The following SLMAP variants were observed in gnomAD, a reference collection of about 807,000 sequenced individuals.
The protein encoded by SLMAP is sarcolemmal membrane-associated protein.
A neutral mutation model predicts 128.8 loss-of-function variants in SLMAP; 44 were observed. The ratio of observed to expected loss-of-function variants is 0.34; its 90% CI spans 0.27 to 0.44. SLMAP has a LOEUF of 0.44. SLMAP is among the 20% of genes least tolerant of loss of function. The pLI is 1.00. For missense variants in SLMAP, 787 were observed against 985.3 expected, an observed-to-expected ratio of 0.80 and a Z score of 2.69; for synonymous variants, 327 against 348.8, an observed-to-expected ratio of 0.94 and a Z score of 0.70.
intron 17 of SLMAP, chr3:57,901,413 A>T (rs1024154615): frequency 6.6e-6 from 1 of 152,246 alleles, no homozygotes; most frequent in African/African-American, 2.4e-5. Flanking sequence ...GTTTCAGAGG[A>T]TAGAGAAGAA....
intron 10 of SLMAP, among the ~76,000 whole-genome samples, 163 bp downstream of exon 10, chr3:57,862,249 C>A (rs890015591): frequency 6.6e-6 from 1 of 151,652 alleles, no homozygotes; most frequent in African/African-American, 2.4e-5. Flanking sequence ...ACCCAGGAGA[C>A]GGAGGTTGCA....
intron 17 of SLMAP, chr3:57,900,126 T>C (rs2096340553): frequency 1.3e-5 from 2 of 152,198 alleles, no homozygotes; most frequent in Admixed American, 1.3e-4. Flanking sequence ...ATAAGTAGCC[T>C]CTTTATTTTC....
Position 57,890,111 on chromosome 3 carries a change from T to G in SLMAP, c.1360+11T>G. 2 of 1,612,784 alleles carry G rather than the reference T, an allele frequency of 1.2e-6. No individual in the cohort carries two copies. The highest frequency in any genetic ancestry group is 1.7e-6 in the Non-Finnish European group (2 of 1,178,806). On this transcript the variant is annotated intron_variant, in intron 15 of 24. Transcript: ENST00000671191. ...CAAAGCTTTCAAAAGGTTTGTTTTC[T>G]GTTTTTCTATGTTTTTTGACAGTTC... is the stretch of plus-strand genomic sequence containing the variant.
intron 24 of SLMAP, 55 bp from the exon 25 acceptor site, chr3:57,927,241 G>T: frequency 9.0e-7 from 1 of 1,116,382 alleles, no homozygotes; most frequent in South Asian, 1.3e-5. Flanking sequence ...GGGGTTAATA[G>T]GTATGAAAAG....
chr3:57,874,754 G>T (rs1436953905), intron 14 of SLMAP, among the ~76,000 whole-genome samples: 1 of 151,862 alleles, frequency 6.6e-6, no homozygotes, highest in African/African-American at 2.4e-5. Flanking sequence ...AGCTACTTGG[G>T]AGGCTGAGGC....
chr3:57,887,509 G>A (rs1317724260), intron 14 of SLMAP, among the ~76,000 whole-genome samples: 4 of 152,134 alleles, frequency 2.6e-5, no homozygotes, highest in African/African-American at 9.7e-5. Context: ...ACCATGCCCA[G>A]CCAAGCCATG....
At chr3:57,793,450 A>C (rs2085968458) in intron 2 of SLMAP, among the ~76,000 whole-genome samples, 1 of 152,170 alleles carries the variant, frequency 6.6e-6, no homozygotes, top group Non-Finnish European at 1.5e-5. Context: ...AATTGATAAA[A>C]GTTTCTGTCC....
intron 10 of SLMAP, among the ~76,000 whole-genome samples, 182 bp downstream of exon 10, chr3:57,862,268 A>C (rs1414813515): frequency 6.6e-6 from 1 of 151,974 alleles, no homozygotes; most frequent in Non-Finnish European, 1.5e-5. Flanking sequence ...CAGCGAGCTG[A>C]GATCACGTCA....
intron 8 of SLMAP, 87 bp from the exon 9 acceptor site, chr3:57,860,612 A>G (rs764964061): frequency 3.2e-4 from 314 of 972,810 alleles, no homozygotes; most frequent in Non-Finnish European, 4.3e-4. Flanking sequence ...TATAATTTAA[A>G]GTATATCATA....
At chr3:57,865,168 C>A in intron 12 of SLMAP, 74 bp from the exon 13 acceptor site, 1 of 764,628 alleles carries the variant, frequency 1.3e-6, no homozygotes, top group Non-Finnish European at 2.1e-6. Context: ...ATGCAGAATG[C>A]CATGGTTACA....
chr3:57,906,300 C>CT (rs112949836), intron 17 of SLMAP, among the ~76,000 whole-genome samples: 18 of 71,260 alleles, frequency 2.5e-4, no homozygotes, highest in South Asian at 9.8e-4. Flanking sequence ...AAATTTTTTT[C>CT]TTTTTTTTTC....
At chr3:57,764,256 C>G (rs1359107721) in intron 2 of SLMAP, among the ~76,000 whole-genome samples, 2 of 152,032 alleles carry the variant, frequency 1.3e-5, no homozygotes. Context: ...AATCCCAGCA[C>G]TTTGGGAGGC....
chr3:57,923,007 G>A lies in SLMAP; in HGVS notation c.2429G>A (p.Arg810Gln), dbSNP rs55766107. The A allele has an allele frequency of 1.9e-5, 30 of 1,613,562 alleles. No homozygotes were observed. The highest frequency in any genetic ancestry group is 6.7e-5 in the Admixed American group (4 of 59,906). The change falls in exon 23 of 25, where the codon CGA (arginine) becomes CAA (glutamine). Residue 810 changes from arginine (R) to glutamine (Q), a missense_variant. By Grantham distance (43) the Arg-to-Gln change is conservative. Transcript: ENST00000671191. Reference sequence around the variant, plus strand: ...TGTAAAAACAACCTGAAGCTGCTCCGAGAGAAAGGAAATAATGTAAGTCTT... The same window carrying A: ...TGTAAAAACAACCTGAAGCTGCTCCAAGAGAAAGGAAATAATGTAAGTCTT... The part of the protein sequence containing the change: ...KQCKNNLKLL[R>Q]EKGNNPSILQ...
At chr3:57,865,098 G>A in intron 12 of SLMAP, 144 bp from the exon 13 acceptor site, 1 of 600,882 alleles carries the variant, frequency 1.7e-6, no homozygotes, top group Non-Finnish European at 2.9e-6. Flanking sequence ...ATTTAAATAA[G>A]AAAAGTACAT....
intron 2 of SLMAP, among the ~76,000 whole-genome samples, chr3:57,781,245 G>A (rs1051606625): frequency 9.9e-5 from 15 of 151,772 alleles, no homozygotes; most frequent in African/African-American, 3.4e-4. Flanking sequence ...TATTAGATAA[G>A]ATTTTCTTAA....
chr3:57,786,679 C>G (rs956848326), intron 2 of SLMAP, among the ~76,000 whole-genome samples: 3 of 150,768 alleles, frequency 2.0e-5, no homozygotes, highest in African/African-American at 7.3e-5. Context: ...GCCTCAGTCT[C>G]CTGAGTAGCT....
chr3:57,811,592 G>A (rs1216501412), intron 2 of SLMAP, among the ~76,000 whole-genome samples: 2 of 152,002 alleles, frequency 1.3e-5, no homozygotes, highest in Non-Finnish European at 2.9e-5. Context: ...CCTACTTTTG[G>A]CTATATACCC....
intron 14 of SLMAP, among the ~76,000 whole-genome samples, chr3:57,883,214 A>G (rs2095794008): frequency 2.6e-5 from 4 of 152,198 alleles, no homozygotes; most frequent in African/African-American, 7.2e-5. Context: ...GATTCCAAAC[A>G]TATTTAGGAG....
intron 2 of SLMAP, among the ~76,000 whole-genome samples, chr3:57,787,918 G>A (rs895958274): frequency 8.5e-5 from 13 of 152,198 alleles, no homozygotes; most frequent in African/African-American, 2.9e-4. Flanking sequence ...GGAAATAATT[G>A]CCAAGAGAGG....
Sources: gnomAD v4.1 joint callset for allele counts (sites outside exome capture counted in the v4.1 genomes callset) on GRCh38, gnomAD v4.1.1 for gene constraint, MANE v1.5 for transcripts, NCBI Gene and HGNC (gene_info 2026-07-23, HGNC 2026-07-21) for gene names.